Variants in ILDR1 observed in about 807,000 individuals in gnomAD.
The protein encoded by ILDR1 is immunoglobulin-like domain-containing receptor 1.
In ILDR1, 56 loss-of-function variants were observed where a neutral mutation model predicts 62.4. The ratio of observed to expected loss-of-function variants is 0.90; its 90% CI spans 0.72 to 1.12. ILDR1 has a LOEUF of 1.12. ILDR1 is among the 50% of genes most tolerant of loss of function. The pLI, the probability that ILDR1 is intolerant of heterozygous loss-of-function variation, is 0.00. For synonymous variants in ILDR1, 284 were observed against 277.8 expected (o/e 1.02, Z -0.22); for missense variants, 736 against 710.6 (o/e 1.04, Z -0.41).
the ILDR1 span, among the ~76,000 whole-genome samples, chr3:122,050,233 T>G: frequency 6.6e-6 from 1 of 152,220 alleles, no homozygotes; most frequent in African/African-American, 2.4e-5. Flanking sequence ...GCTATGTCAT[T>G]TGGGCAGCTT....
the ILDR1 span, chr3:122,055,374 G>A: frequency 2.0e-6 from 2 of 997,104 alleles, no homozygotes; most frequent in Non-Finnish European, 3.2e-6. Context: ...TCATTGCCGA[G>A]GAAGGCTTGC....
In ILDR1 at chr3:121,993,771, T is replaced by C. The variant is rs1470792669; in HGVS notation, c.978A>G (p.Glu326=). 1 of 1,614,164 alleles carries C rather than the reference T, an allele frequency of 6.2e-7. No individual in the cohort carries two copies. Among genetic ancestry groups the C allele is most frequent in the Admixed American group, 1.7e-5 (1 of 60,012 alleles). The part of the protein sequence containing the change: ...MLSSLGSEVV[E]RRIIHLPPLI... Reference sequence around the variant, plus strand: ...GTGGGGGCAGGTGGATGATTCTGCGTTCCACGACCTCAGAGCCCAGGGAGG... The same window carrying C: ...GTGGGGGCAGGTGGATGATTCTGCGCTCCACGACCTCAGAGCCCAGGGAGG... Residue 326 remains glutamate, a synonymous_variant, in exon 7 of 8, where the codon GAA becomes GAG. Coordinates refer to ENST00000344209, the MANE Select transcript of ILDR1 (RefSeq NM_001199799.2).
intron 5 of ILDR1, among the ~76,000 whole-genome samples, chr3:121,996,354 G>C (rs1189629240): frequency 6.6e-6 from 1 of 152,142 alleles, no homozygotes; most frequent in African/African-American, 2.4e-5. Flanking sequence ...ACACAGTCCA[G>C]AGATTAATTC....
At chr3:122,048,804 TC>T in the ILDR1 span, among the ~76,000 whole-genome samples, 3 of 152,118 alleles carry the variant, frequency 2.0e-5, no homozygotes, top group Non-Finnish European at 4.4e-5. Context: ...ATCTGAGTCT[TC>T]TCTTTTTTTT....
chr3:122,030,623 T>TCTCTCTCTCTCTC, the ILDR1 span, among the ~76,000 whole-genome samples: 5 of 147,526 alleles, frequency 3.4e-5, no homozygotes, highest in African/African-American at 1.2e-4. Context: ...GCAAGGGTTT[T>TCTCTCTCTCTCTC]TCTCTCTCTC....
the ILDR1 span, among the ~76,000 whole-genome samples, chr3:122,048,925 C>A: frequency 6.6e-6 from 1 of 152,134 alleles, no homozygotes. Context: ...CATAAGCCAC[C>A]ATTACGCTTT....
intron 5 of ILDR1, among the ~76,000 whole-genome samples, chr3:121,995,991 A>C (rs955250362): frequency 3.9e-5 from 6 of 152,108 alleles, no homozygotes; most frequent in African/African-American, 1.4e-4. Context: ...GTGATGAAGC[A>C]AAAAACCTTC....
At chr3:122,035,645 C>T in the ILDR1 span, among the ~76,000 whole-genome samples, 2 of 152,084 alleles carry the variant, frequency 1.3e-5, no homozygotes, top group East Asian at 3.9e-4. Context: ...TTTCCTGCTC[C>T]ACTATGGTAA....
chr3:122,052,575 G>C, the ILDR1 span, among the ~76,000 whole-genome samples: 1 of 152,088 alleles, frequency 6.6e-6, no homozygotes, highest in African/African-American at 2.4e-5. Flanking sequence ...TTGGTTTTTT[G>C]TTGTTGTTGT....
At chr3:121,997,200 C>T (rs995103316) in intron 5 of ILDR1, among the ~76,000 whole-genome samples, 1 of 152,208 alleles carries the variant, frequency 6.6e-6, no homozygotes, top group Non-Finnish European at 1.5e-5. Flanking sequence ...CATGCCCAGC[C>T]CTTGCCCTTC....
the ILDR1 span, among the ~76,000 whole-genome samples, chr3:122,059,038 G>A: frequency 5.3e-5 from 8 of 152,234 alleles, no homozygotes; most frequent in East Asian, 5.8e-4. Flanking sequence ...GTGGGTTTGC[G>A]CCAGGCAGAG....
chr3:122,043,212 G>C, the ILDR1 span, among the ~76,000 whole-genome samples: 1 of 147,034 alleles, frequency 6.8e-6, no homozygotes, highest in African/African-American at 2.5e-5. Context: ...GTTTGTCAAA[G>C]ATCAGATAGT....
At chr3:122,036,128 C>T in the ILDR1 span, among the ~76,000 whole-genome samples, 23 of 152,284 alleles carry the variant, frequency 1.5e-4, no homozygotes, top group South Asian at 2.9e-3. Context: ...CATTTTGCTT[C>T]TGCCCTAAAG....
At chr3:122,001,542 C>T (rs1336327927) in intron 4 of ILDR1, 88 bp from the exon 5 acceptor site, 50 of 1,536,058 alleles carry the variant, frequency 3.3e-5, no homozygotes, top group Non-Finnish European at 4.5e-5. Flanking sequence ...GTCTCATAAA[C>T]ACAGCTCTTG....
At chr3:122,041,565 T>G in the ILDR1 span, among the ~76,000 whole-genome samples, 1 of 152,236 alleles carries the variant, frequency 6.6e-6, no homozygotes, top group African/African-American at 2.4e-5. Flanking sequence ...CATTTATCTT[T>G]GTCTTCTTAA....
At chr3:121,996,939 C>T (rs1015329758) in intron 5 of ILDR1, among the ~76,000 whole-genome samples, 1 of 152,182 alleles carries the variant, frequency 6.6e-6, no homozygotes, top group Non-Finnish European at 1.5e-5. Context: ...CTCGCTATGT[C>T]ACCCAGGCTG....
chr3:122,024,592 T>G (rs2071905464), upstream of ILDR1, among the ~76,000 whole-genome samples: 1 of 152,222 alleles, frequency 6.6e-6, no homozygotes, highest in Non-Finnish European at 1.5e-5. Flanking sequence ...TCTTTTTTCT[T>G]CATGATTTAT....
chr3:122,033,841 T>C, the ILDR1 span, among the ~76,000 whole-genome samples: 4 of 152,322 alleles, frequency 2.6e-5, no homozygotes, highest in East Asian at 7.7e-4. Flanking sequence ...TTGGTCTATT[T>C]GCCTGTCCTT....
At chr3:122,040,734 A>C in the ILDR1 span, among the ~76,000 whole-genome samples, 8 of 122,596 alleles carry the variant, frequency 6.5e-5, no homozygotes, top group African/African-American at 2.1e-4. Context: ...AAAAAAAAAA[A>C]AAGAAAAAAA....
Sources: gnomAD v4.1 joint callset for allele counts (sites outside exome capture counted in the v4.1 genomes callset) on GRCh38, gnomAD v4.1.1 for gene constraint, MANE v1.5 for transcripts, NCBI Gene and HGNC (gene_info 2026-07-23, HGNC 2026-07-21) for gene names.